AMPH: variants seen among roughly 807,000 people sequenced by gnomAD.
The protein encoded by AMPH is amphiphysin.
Under a neutral mutation model 99.1 loss-of-function variants are expected in AMPH, and 49 were observed. The ratio of observed to expected loss-of-function variants is 0.49; its 90% CI spans 0.39 to 0.63. The LOEUF (loss-of-function observed/expected upper bound fraction) is 0.63, where lower values mean the gene tolerates loss of function less well. Ranked by LOEUF, AMPH falls within the 20% of genes least tolerant of loss-of-function variation. The pLI, the probability that AMPH is intolerant of heterozygous loss-of-function variation, is 0.00. For missense variants in AMPH, 759 were observed against 863.4 expected (o/e 0.88, Z 1.52); for synonymous variants, 314 against 317.3 (o/e 0.99, Z 0.11).
At chr7:38,547,149 TCCCTCCC>T (rs1223286291) in intron 1 of AMPH, among the ~76,000 whole-genome samples, 1 of 151,988 alleles carries the variant, frequency 6.6e-6, no homozygotes, top group Admixed American at 6.6e-5. Context: ...TGATAAAAGC[TCCCTCCC>T]CTTGCTTTTA....
chr7:38,518,823 T>C (rs1321291416), intron 2 of AMPH, among the ~76,000 whole-genome samples: 2 of 152,154 alleles, frequency 1.3e-5, no homozygotes, highest in Non-Finnish European at 2.9e-5. Flanking sequence ...ATAAATGTAT[T>C]TTGAATTGTG....
In AMPH at chr7:38,392,001, G is replaced by A. The variant is rs757857975; in HGVS notation, c.1625C>T (p.Ser542Leu). Residue 542 changes from serine (S) to leucine (L), a missense_variant, in exon 19 of 21, where the codon TCG becomes TTG. Transcript: ENST00000356264. Reference sequence around the variant, plus strand: ...GTTGGAGGCAGGCTCTATGACCACCGAAGGAATGACCTTCTCCTGGGGGAA... The same window carrying A: ...GTTGGAGGCAGGCTCTATGACCACCAAAGGAATGACCTTCTCCTGGGGGAA... ...ATVPQEKVIP[S>L]VVIEPASNHE... is the part of the protein sequence containing the mutation. 3.7e-6 allele frequency: 6 copies of A among 1,606,208 alleles called. No homozygotes were observed. The highest frequency in any genetic ancestry group is 4.5e-5 in the East Asian group (2 of 44,886).
chr7:38,529,362 C>T (rs1790308927), intron 2 of AMPH, among the ~76,000 whole-genome samples: 1 of 152,196 alleles, frequency 6.6e-6, no homozygotes, highest in African/African-American at 2.4e-5. Flanking sequence ...ATGCATTAGT[C>T]CTCAATGTGT....
chr7:38,446,615 C>T lies in AMPH; in HGVS notation c.1018-10227G>A, dbSNP rs139269696. 6.6e-5 allele frequency among the ~76,000 whole-genome samples: 10 copies of T among 152,206 alleles called. No homozygotes were observed. In the East Asian group the frequency reaches 1.7e-3, roughly 26 times the overall value. ...ATGAGTGTTTGCCTAGAGATGCTGG[C>T]GCCAATGGGGAGGAGCAAGAGAAAT... On this transcript the variant is annotated intron_variant, in intron 11 of 20. Coordinates refer to ENST00000356264, the MANE Select transcript of AMPH (RefSeq NM_001635.4).
At chr7:38,522,265 G>A (rs558226782) in intron 2 of AMPH, among the ~76,000 whole-genome samples, 18 of 152,078 alleles carry the variant, frequency 1.2e-4, no homozygotes, top group African/African-American at 2.9e-4. Context: ...CCTTTTCCTC[G>A]GGGCATTAAT....
intron 1 of AMPH, among the ~76,000 whole-genome samples, chr7:38,539,235 G>A (rs184427550): frequency 1.9e-4 from 29 of 152,290 alleles, no homozygotes; most frequent in African/African-American, 6.3e-4. Context: ...CTGGATTTAG[G>A]AACCAGAAGG....
At chr7:38,596,214 G>T (rs1243198113) in intron 1 of AMPH, among the ~76,000 whole-genome samples, 4 of 152,168 alleles carry the variant, frequency 2.6e-5, no homozygotes, top group Admixed American at 1.3e-4. Context: ...TTTGAAAGTG[G>T]CCGGGAAACA....
At chr7:38,429,034 T>TA in intron 14 of AMPH, 1 of 1,290,362 alleles carries the variant, frequency 7.7e-7, no homozygotes, top group Non-Finnish European at 1.0e-6. Context: ...AGTGTCTTGA[T>TA]ATCAATAGCT....
chr7:38,455,910 A>G (rs1267230916), intron 11 of AMPH, among the ~76,000 whole-genome samples: 1 of 152,214 alleles, frequency 6.6e-6, no homozygotes, highest in Non-Finnish European at 1.5e-5. Flanking sequence ...TCGCACTTTC[A>G]TGTACTGCTA....
chr7:38,538,369 G>A (rs966786020), intron 1 of AMPH, among the ~76,000 whole-genome samples: 1 of 152,186 alleles, frequency 6.6e-6, no homozygotes, highest in African/African-American at 2.4e-5. Context: ...GGGGCTGCAG[G>A]AATAACAGGC....
chr7:38,492,051 C>T (rs2129020444), intron 4 of AMPH, among the ~76,000 whole-genome samples: 1 of 152,348 alleles, frequency 6.6e-6, no homozygotes, highest in African/African-American at 2.4e-5. Context: ...ATTTCTCTCA[C>T]TAGCACATTC....
chr7:38,411,760 TC>T (rs1388925805), intron 17 of AMPH, among the ~76,000 whole-genome samples: 1 of 152,148 alleles, frequency 6.6e-6, no homozygotes, highest in African/African-American at 2.4e-5. Context: ...AACAGAGTTG[TC>T]TTTTTAACAT....
intron 1 of AMPH, among the ~76,000 whole-genome samples, chr7:38,626,463 A>T (rs1451491555): frequency 6.6e-6 from 1 of 152,226 alleles, no homozygotes; most frequent in Non-Finnish European, 1.5e-5. Context: ...CCTATTTACT[A>T]AATGGTGCTC....
At chr7:38,469,683 C>T (rs932067279) in intron 7 of AMPH, among the ~76,000 whole-genome samples, 3 of 152,162 alleles carry the variant, frequency 2.0e-5, no homozygotes, top group African/African-American at 7.2e-5. Context: ...GACTCCTCAA[C>T]CCCAACCACA....
intron 2 of AMPH, among the ~76,000 whole-genome samples, chr7:38,533,209 G>A (rs1325581710): frequency 1.3e-5 from 2 of 152,132 alleles, no homozygotes; most frequent in African/African-American, 4.8e-5. Context: ...AGGAGACTAG[G>A]AGACTACTTA....
rs746430313 is a variant in AMPH, at chr7:38,570,702, A to AG, written c.70-35692_70-35691insC. Among the ~76,000 whole-genome samples, 640 of 133,594 alleles carry AG rather than the reference A, an allele frequency of 4.8e-3. 1 individual carries two copies. The highest frequency in any genetic ancestry group is 7.8e-3 in the Non-Finnish European group (460 of 59,238). The allele number at this position is 133,594 out of a possible 152,430, so 87.6% of individuals were successfully genotyped here. On this transcript the variant is annotated intron_variant, in intron 1 of 20. Coordinates refer to ENST00000356264, the MANE Select transcript of AMPH (RefSeq NM_001635.4). Reference sequence around the variant, plus strand: ...TTATCATTAGGGTGAATTCCCATCGATTAAAAAAAAATAACTGTAAGTCAG... The same window carrying AG: ...TTATCATTAGGGTGAATTCCCATCGAGTTAAAAAAAAATAACTGTAAGTCAG...
chr7:38,482,853 G>A (rs1788340810), intron 5 of AMPH, among the ~76,000 whole-genome samples: 1 of 152,064 alleles, frequency 6.6e-6, no homozygotes, highest in Non-Finnish European at 1.5e-5. Flanking sequence ...ATGCAATAAA[G>A]GTGATGGTAG....
chr7:38,574,572 G>A (rs140787283), intron 1 of AMPH, among the ~76,000 whole-genome samples: 3 of 152,278 alleles, frequency 2.0e-5, no homozygotes, highest in East Asian at 1.9e-4. Context: ...GAGAGAAAAC[G>A]GGTGGCCTGA....
At chr7:38,559,375 A>G (rs1004850313) in intron 1 of AMPH, among the ~76,000 whole-genome samples, 3 of 152,244 alleles carry the variant, frequency 2.0e-5, no homozygotes, top group African/African-American at 7.2e-5. Flanking sequence ...GGAGAACAAC[A>G]GACAGTGGTT....
Sources: gnomAD v4.1 joint callset for allele counts (sites outside exome capture counted in the v4.1 genomes callset) on GRCh38, gnomAD v4.1.1 for gene constraint, MANE v1.5 for transcripts, NCBI Gene and HGNC (gene_info 2026-07-23, HGNC 2026-07-21) for gene names.